The following GPHN variants were observed in gnomAD, a reference collection of about 807,000 sequenced individuals.
GPHN encodes gephyrin.
A neutral mutation model predicts 95.5 loss-of-function variants in GPHN; 17 were observed. That is an observed-to-expected ratio of 0.18 (90% confidence interval 0.12 to 0.27). The LOEUF is 0.27. Ranked by LOEUF, GPHN falls within the 10% of genes least tolerant of loss-of-function variation. The pLI is 1.00. For synonymous variants in GPHN, 320 were observed against 322.5 expected, an observed-to-expected ratio of 0.99 and a Z score of 0.08; for missense variants, 660 against 978.1, an observed-to-expected ratio of 0.67 and a Z score of 4.34.
At position 67,165,339 on chromosome 14, in the gene GPHN, G is replaced by A. The variant is rs1353660761; in HGVS notation, c.1975+113G>A. 6.9e-6 allele frequency: 5 copies of A among 724,670 alleles called. No individual in the cohort carries two copies. The African/African-American group carries it at 7.0e-5, about 10-fold the overall frequency. 44.9% of individuals were successfully genotyped at this position (724,670 alleles called of 1,614,324 possible). ...CTGAAAGACCTGGGCTCAAGTCTCA[G>A]CTTTTCTAAACGACCAATCACTTAA... On this transcript the variant is annotated intron_variant, in intron 20 of 22. Coordinates refer to ENST00000478722, the MANE Select transcript of GPHN (RefSeq NM_020806.5).
chr14:66,935,661 T>C (rs74837128), intron 8 of GPHN, among the ~76,000 whole-genome samples: 6,574 of 151,854 alleles, frequency 0.043, 187 homozygotes, highest in Middle Eastern at 0.066. Flanking sequence ...TACGTGTGTT[T>C]ATGTATACGT....
the GPHN span, among the ~76,000 whole-genome samples, chr14:67,408,352 A>G: frequency 1.4e-5 from 2 of 141,130 alleles, no homozygotes; most frequent in Non-Finnish European, 3.1e-5. Context: ...AATAAAATAA[A>G]ATAAAAAAAG....
chr14:67,725,325 C>A, the GPHN span: 1 of 1,489,234 alleles, frequency 6.7e-7, no homozygotes, highest in Non-Finnish European at 9.3e-7. Flanking sequence ...CCTAGACCAT[C>A]TATGGCCCTT....
At chr14:67,220,406 C>A in the GPHN span, among the ~76,000 whole-genome samples, 3 of 151,666 alleles carry the variant, frequency 2.0e-5, no homozygotes, top group African/African-American at 7.3e-5. Flanking sequence ...AGAGCCACTG[C>A]ACTCTAGCCT....
chr14:66,759,545 A>T (rs1007433498), intron 2 of GPHN, among the ~76,000 whole-genome samples: 1 of 152,252 alleles, frequency 6.6e-6, no homozygotes, highest in African/African-American at 2.4e-5. Flanking sequence ...TGAGGTAAGA[A>T]TAGCAACCCC....
chr14:67,695,595 G>C, the GPHN span: 1 of 1,584,922 alleles, frequency 6.3e-7, no homozygotes, highest in Non-Finnish European at 8.6e-7. Flanking sequence ...CCCGCAACAA[G>C]AATTCTCAAG....
chr14:66,784,493 T>C (rs540551201), intron 3 of GPHN, among the ~76,000 whole-genome samples: 1 of 152,286 alleles, frequency 6.6e-6, no homozygotes, highest in South Asian at 2.1e-4. Context: ...GTCAATACAA[T>C]AGATTGTATT....
chr14:66,765,667 G>A lies in GPHN; in HGVS notation c.144-10797G>A, dbSNP rs980841569. Among the ~76,000 whole-genome samples, 6 of 151,952 alleles carry A rather than the reference G, an allele frequency of 3.9e-5. No individual in the cohort carries two copies. The East Asian group carries it at 7.7e-4, about 20-fold the overall frequency. ...AAAAACTACCTATTGGGTACTCTGCGTATTACCTGGGTGACAAAATAATCT... is the reference window on the plus strand; with the variant it reads ...AAAAACTACCTATTGGGTACTCTGCATATTACCTGGGTGACAAAATAATCT... On this transcript the variant is annotated intron_variant, in intron 2 of 22. Transcript: ENST00000478722.
chr14:66,530,771 G>C (rs370128219), intron 1 of GPHN, among the ~76,000 whole-genome samples: 180 of 152,004 alleles, frequency 1.2e-3, no homozygotes, highest in African/African-American at 4.0e-3. Context: ...GCTTCTGCTC[G>C]CCCTCTGTGG....
At chr14:67,126,218 A>G (rs950678128) in intron 17 of GPHN, among the ~76,000 whole-genome samples, 1 of 152,194 alleles carries the variant, frequency 6.6e-6, no homozygotes, top group Admixed American at 6.5e-5. Flanking sequence ...TTCTTTAAAG[A>G]GACACATTTT....
chr14:67,724,928 G>T, the GPHN span, among the ~76,000 whole-genome samples: 2 of 152,200 alleles, frequency 1.3e-5, no homozygotes, highest in Non-Finnish European at 2.9e-5. Flanking sequence ...CTGACAGCAA[G>T]AAGACTGAAC....
At chr14:66,564,896 T>G (rs897528677) in intron 1 of GPHN, among the ~76,000 whole-genome samples, 2 of 152,118 alleles carry the variant, frequency 1.3e-5, no homozygotes, top group Non-Finnish European at 2.9e-5. Context: ...TGAACCTGGA[T>G]CTTGGGAATA....
chr14:66,768,527 GA>G (rs2059046148), intron 2 of GPHN, among the ~76,000 whole-genome samples: 1 of 151,930 alleles, frequency 6.6e-6, no homozygotes. Flanking sequence ...CAGTGACTTT[GA>G]AAGCAGGACT....
intron 9 of GPHN, among the ~76,000 whole-genome samples, chr14:66,972,479 A>G (rs934548365): frequency 1.1e-4 from 16 of 151,908 alleles, no homozygotes; most frequent in African/African-American, 3.6e-4. Flanking sequence ...CTAGCTATTC[A>G]GCTTACAACT....
chr14:67,135,435 T>C (rs2153700078), intron 17 of GPHN, among the ~76,000 whole-genome samples: 1 of 152,358 alleles, frequency 6.6e-6, no homozygotes, highest in Middle Eastern at 3.4e-3. Context: ...CTAACAAGTA[T>C]CATTCTTCCA....
chr14:67,722,709 A>G, the GPHN span: 2 of 1,613,214 alleles, frequency 1.2e-6, no homozygotes, highest in Non-Finnish European at 1.7e-6. Flanking sequence ...TCCATCCATC[A>G]GGTTTGTCTT....
intron 2 of GPHN, among the ~76,000 whole-genome samples, chr14:66,694,030 C>A (rs530499950): frequency 1.8e-4 from 27 of 152,134 alleles, no homozygotes; most frequent in Non-Finnish European, 1.0e-4. Context: ...ATAGAGAGCC[C>A]AGAAATAGAC....
chr14:67,233,422 G>A, the GPHN span, among the ~76,000 whole-genome samples: 1 of 152,302 alleles, frequency 6.6e-6, no homozygotes, highest in Admixed American at 6.5e-5. Flanking sequence ...TAAAAACCTG[G>A]TGGAATACCA....
At chr14:67,393,065 T>C in the GPHN span, 6 of 1,101,340 alleles carry the variant, frequency 5.4e-6, no homozygotes, top group African/African-American at 9.2e-5. Flanking sequence ...CTGACCTCAA[T>C]ACAGGGCGGT....
Sources: gnomAD v4.1 joint callset for allele counts (sites outside exome capture counted in the v4.1 genomes callset) on GRCh38, gnomAD v4.1.1 for gene constraint, MANE v1.5 for transcripts, NCBI Gene and HGNC (gene_info 2026-07-23, HGNC 2026-07-21) for gene names.